The following NR2F1 variants were observed in gnomAD, a reference collection of about 807,000 sequenced individuals.
The protein encoded by NR2F1 is COUP transcription factor 1.
In NR2F1, 1 loss-of-function variant was observed where a neutral mutation model predicts 37.7. The observed-to-expected ratio is 0.03, with a 90% confidence interval of 0.01 to 0.13. The LOEUF (loss-of-function observed/expected upper bound fraction) is 0.13, where lower values mean the gene tolerates loss of function less well. Ranked by LOEUF, NR2F1 falls within the 10% of genes least tolerant of loss-of-function variation. The probability of loss-of-function intolerance (pLI) is 1.00; values close to 1 mark genes in which losing one functional copy is unlikely to be tolerated. For missense variants in NR2F1, 268 were observed against 578.4 expected (o/e 0.46, Z 5.50); for synonymous variants, 275 against 259.6 (o/e 1.06, Z -0.57).
chr5:93,587,654 G>T, intron 1 of NR2F1: 1 of 464,328 alleles, frequency 2.2e-6, no homozygotes, highest in Non-Finnish European at 3.8e-6. Context: ...GCCAGGGTTG[G>T]GGCCCTGGAG....
rs140508917 is a variant in NR2F1 at position 93,590,823 on chromosome 5, C to T, written c.991+2379C>T. ...CGTGGTGGTTTTCACATTTGGCCTC[C>T]GGATGGTATGTTTAATCCTTAATAT... On this transcript the variant is annotated intron_variant, in intron 2 of 2. Coordinates refer to ENST00000327111, the MANE Select transcript of NR2F1 (RefSeq NM_005654.6). Among the ~76,000 whole-genome samples, 485 of 152,308 alleles carry T rather than the reference C, an allele frequency of 3.2e-3. 2 individuals carry two copies. Among genetic ancestry groups the T allele is most frequent in the African/African-American group, 0.011 (470 of 41,564 alleles).
At chr5:93,592,457 A>G (rs892549678) in intron 2 of NR2F1, among the ~76,000 whole-genome samples, 5 of 151,678 alleles carry the variant, frequency 3.3e-5, no homozygotes, top group African/African-American at 1.2e-4. Flanking sequence ...CTCTTATTCC[A>G]TCTTTCCCTC....
chr5:93,590,788 G>A lies in NR2F1; in HGVS notation c.991+2344G>A, dbSNP rs367902537. Among the ~76,000 whole-genome samples, 56 of 152,292 alleles carry A rather than the reference G, an allele frequency of 3.7e-4. 1 individual carries two copies. Among genetic ancestry groups the A allele is most frequent in the Middle Eastern group, 6.8e-3 (2 of 294 alleles). On this transcript the variant is annotated intron_variant, in intron 2 of 2. Coordinates refer to ENST00000327111, the MANE Select transcript of NR2F1 (RefSeq NM_005654.6). ...TTGGCTAAGTATTTGAAGCTGGCAC[G>A]GGGGTCCCCCGTGGTGGTTTTCACA... is the stretch of plus-strand genomic sequence containing the variant.
At chr5:93,591,705 G>A (rs767610927) in intron 2 of NR2F1, among the ~76,000 whole-genome samples, 7 of 152,108 alleles carry the variant, frequency 4.6e-5, no homozygotes, top group Admixed American at 1.3e-4. Flanking sequence ...AAAATCTGCC[G>A]GGATACCAAG....
In NR2F1 at chr5:93,587,817, CG is replaced by C; in HGVS notation, c.464-97del. ...AAGATGCGCGGGGCGCGTGTGGCTG[CG>C]GGAAGAGCTTCTGCATTGTGTTGGG... On this transcript the variant is annotated intron_variant, in intron 1 of 2. Transcript: ENST00000327111. The C allele has an allele frequency of 3.1e-6, 4 of 1,274,694 alleles. No individual in the cohort carries two copies. The South Asian group carries it at 5.8e-5, about 19-fold the overall frequency. The allele number at this position is 1,274,694 out of a possible 1,614,324, so 79.0% of individuals were successfully genotyped here.
At chr5:93,589,342 G>A (rs1753292621) in intron 2 of NR2F1, among the ~76,000 whole-genome samples, 1 of 152,186 alleles carries the variant, frequency 6.6e-6, no homozygotes, top group African/African-American at 2.4e-5. Flanking sequence ...CCTTTGAAGG[G>A]CTCTGGTCTG....
intron 1 of NR2F1, among the ~76,000 whole-genome samples, 182 bp from the exon 2 acceptor site, chr5:93,587,735 G>A (rs939228118): frequency 6.6e-6 from 1 of 152,234 alleles, no homozygotes; most frequent in Non-Finnish European, 1.5e-5. Context: ...GAGCTGTGGA[G>A]CTGGAGGGCC....
At chr5:93,589,742 G>T (rs1168560559) in intron 2 of NR2F1, among the ~76,000 whole-genome samples, 1 of 152,236 alleles carries the variant, frequency 6.6e-6, no homozygotes, top group Non-Finnish European at 1.5e-5. Context: ...CATGTGTGAA[G>T]AATTGTATTT....
At chr5:93,586,295 A>T (rs1753232269) in intron 1 of NR2F1, among the ~76,000 whole-genome samples, 1 of 152,138 alleles carries the variant, frequency 6.6e-6, no homozygotes, top group African/African-American at 2.4e-5. Context: ...CTGCATACAA[A>T]TTACAATTTA....
At chr5:93,591,176 G>C (rs925931504) in intron 2 of NR2F1, among the ~76,000 whole-genome samples, 3 of 152,220 alleles carry the variant, frequency 2.0e-5, no homozygotes, top group Admixed American at 2.0e-4. Context: ...CACTGTAGAA[G>C]AAATATTGAG....
At position 93,593,538 on chromosome 5, in the gene NR2F1, TC is replaced by T; in HGVS notation, c.992-21del. ...ACCGTGTGCTCCCTTTCCCTGTCTC[TC>T]CCTCCTGTGGCTGCTTGGGCAGACG... On this transcript the variant is annotated intron_variant, in intron 2 of 2. Coordinates refer to ENST00000327111, the MANE Select transcript of NR2F1 (RefSeq NM_005654.6). The surrounding 1 kb of genome is among the most constrained non-coding windows in gnomAD (Gnocchi z 5.6). 6.2e-7 allele frequency: 1 copy of T among 1,603,794 alleles called. No homozygotes were observed. The highest frequency in any genetic ancestry group is 1.3e-5 in the African/African-American group (1 of 74,820).
rs1753194992 is a variant in NR2F1, at chr5:93,584,740, G to A, written c.-284G>A. 6.6e-6 allele frequency: 1 copy of A among 151,224 alleles called. No homozygotes were observed. The highest frequency in any genetic ancestry group is 6.6e-5 in the Admixed American group (1 of 15,102). 9.4% of individuals were successfully genotyped at this position (151,224 alleles called of 1,614,324 possible). ...AGAGCCTGGGGGGGCTGCAAAAAGAGAGAAAGAAAACAGCAGGAACCACAA... is the reference window on the plus strand; with the variant it reads ...AGAGCCTGGGGGGGCTGCAAAAAGAAAGAAAGAAAACAGCAGGAACCACAA... On this transcript the variant is annotated 5_prime_UTR_variant, in exon 1 of 3. Transcript: ENST00000327111.
intron 2 of NR2F1, among the ~76,000 whole-genome samples, chr5:93,590,831 A>T (rs1753317663): frequency 6.6e-6 from 1 of 152,196 alleles, no homozygotes; most frequent in African/African-American, 2.4e-5. Context: ...TCCGGATGGT[A>T]TGTTTAATCC....
chr5:93,590,989 C>T (rs1471439573), intron 2 of NR2F1, among the ~76,000 whole-genome samples: 1 of 152,182 alleles, frequency 6.6e-6, no homozygotes, highest in Non-Finnish European at 1.5e-5. Context: ...ACAATAAATC[C>T]ATTTTCAGCA....
At chr5:93,585,539 C>T (rs954736874) in intron 1 of NR2F1, 53 bp downstream of exon 1, 78 of 1,382,296 alleles carry the variant, frequency 5.6e-5, no homozygotes, top group Middle Eastern at 1.9e-4. Context: ...CTCCCTGGCT[C>T]TTTCTTTCTT....
intron 1 of NR2F1, among the ~76,000 whole-genome samples, chr5:93,586,189 G>C (rs1753229924): frequency 1.3e-5 from 2 of 152,136 alleles, no homozygotes; most frequent in African/African-American, 4.8e-5. Context: ...TGAAAGGAAA[G>C]TTTGTGACTG....
intron 2 of NR2F1, chr5:93,591,871 T>C (rs554969251): frequency 6.6e-6 from 1 of 152,130 alleles, no homozygotes; most frequent in South Asian, 2.1e-4. Flanking sequence ...AAACTCACGG[T>C]CCCCTCTCTA....
Position 93,588,344 on chromosome 5 carries a change from C to G in NR2F1, c.891C>G (p.Asp297Glu). The G allele has an allele frequency of 6.2e-7, 1 of 1,613,218 alleles. No individual in the cohort carries two copies. Among genetic ancestry groups the G allele is most frequent in the Non-Finnish European group, 8.5e-7 (1 of 1,179,864 alleles). Residue 297 changes from aspartate to glutamate, a missense_variant, in exon 2 of 3, where the codon GAC (aspartate) becomes GAG (glutamate). Asp to Glu is a conservative substitution (Grantham distance 45). Coordinates refer to ENST00000327111, the MANE Select transcript of NR2F1 (RefSeq NM_005654.6). ...MSADRVVAFM[D>E]HIRIFQEQVE... ...CCGACCGCGTCGTGGCCTTCATGGA[C>G]CACATCCGCATCTTCCAGGAGCAGG...
rs1753181375 is a variant in NR2F1, at chr5:93,584,195, G to C, written c.-829G>C. 1 of 148,558 alleles carries C rather than the reference G, an allele frequency of 6.7e-6. No individual in the cohort carries two copies. Among genetic ancestry groups the C allele is most frequent in the African/African-American group, 2.4e-5 (1 of 41,052 alleles). The allele number at this position is 148,558 out of a possible 1,614,324, so 9.2% of individuals were successfully genotyped here. On this transcript the variant is annotated 5_prime_UTR_variant, in exon 1 of 3. Coordinates refer to ENST00000327111, the MANE Select transcript of NR2F1 (RefSeq NM_005654.6). ...CCGCGGGCGGCCCCGGCCTCCGCTC[G>C]CGCTCCGGCTGCGGCCCCGACTCCT... is the stretch of plus-strand genomic sequence containing the variant.
Sources: gnomAD v4.1 joint callset for allele counts (sites outside exome capture counted in the v4.1 genomes callset) on GRCh38, gnomAD v4.1.1 for gene constraint, Gnocchi (gnomAD v3.1) non-coding constraint, MANE v1.5 for transcripts, NCBI Gene and HGNC (gene_info 2026-07-23, HGNC 2026-07-21) for gene names.